Variants in DHX36 observed in about 807,000 individuals in gnomAD.
DHX36 encodes the protein ATP-dependent DNA/RNA helicase DHX36.
A neutral mutation model predicts 139.0 loss-of-function variants in DHX36; 50 were observed. The ratio of observed to expected loss-of-function variants is 0.36; its 90% confidence interval spans 0.29 to 0.46. The LOEUF (loss-of-function observed/expected upper bound fraction) is 0.46, where lower values mean the gene tolerates loss of function less well. DHX36 is among the 20% of genes least tolerant of loss of function. DHX36 has a pLI of 1.00. For synonymous variants in DHX36, 425 were observed against 401.9 expected, an observed-to-expected ratio of 1.06 and a Z score of -0.69; for missense variants, 1,024 against 1,211.3, an observed-to-expected ratio of 0.85 and a Z score of 2.29.
At position 154,324,379 on chromosome 3, in the gene DHX36, C is replaced by T; in HGVS notation, c.38G>A (p.Gly13Glu). 1 of 1,585,750 alleles carries T rather than the reference C, an allele frequency of 6.3e-7. No homozygotes were observed. Among genetic ancestry groups the T allele is most frequent in the East Asian group, 2.3e-5 (1 of 44,256 alleles). The change falls in exon 1 of 25, where the codon GGG (glycine) becomes GAG (glutamate). Residue 13 changes from glycine to glutamate, a missense_variant. By Grantham distance (98) the Gly-to-Glu change is moderately conservative (BLOSUM62 -2). This residue lies in a region of DHX36 where 293 missense variants were observed against 274.4 expected (regional missense o/e 1.07). Coordinates refer to ENST00000496811, the MANE Select transcript of DHX36 (RefSeq NM_020865.3). The part of the protein sequence containing the change: ...YDYHQNWGRD[G>E]GPRSSGGGYG... ...GCCCCCACCGGAGCTGCGGGGACCC[C>T]CATCACGGCCCCAGTTCTGATGGTA...
intron 5 of DHX36, among the ~76,000 whole-genome samples, chr3:154,309,438 C>T (rs940998176): frequency 1.3e-5 from 2 of 152,024 alleles, no homozygotes; most frequent in Non-Finnish European, 2.9e-5. Flanking sequence ...GCCTGGATAT[C>T]AATTTTATCT....
At chr3:154,300,002 A>T in intron 11 of DHX36, 77 bp from the exon 12 acceptor site, 1 of 928,114 alleles carries the variant, frequency 1.1e-6, no homozygotes, top group Admixed American at 2.0e-5. Flanking sequence ...GTGCACACTG[A>T]AGTCTCCATT....
intron 4 of DHX36, among the ~76,000 whole-genome samples, chr3:154,310,655 G>A (rs1003355772): frequency 2.9e-4 from 43 of 149,896 alleles, no homozygotes; most frequent in African/African-American, 1.0e-3. Context: ...GTGGGTGCCT[G>A]TAACCCCAGC....
intron 13 of DHX36, among the ~76,000 whole-genome samples, chr3:154,294,766 T>C (rs1559950718): frequency 6.6e-6 from 1 of 152,208 alleles, no homozygotes; most frequent in Non-Finnish European, 1.5e-5. Context: ...CTGCAAATAC[T>C]GTAGATCATA....
In DHX36 at chr3:154,286,647, T is replaced by A. The variant is rs1367403243; in HGVS notation, c.2032-1660A>T. 3.3e-5 allele frequency among the ~76,000 whole-genome samples: 5 copies of A among 151,968 alleles called. No individual in the cohort carries two copies. In the South Asian group the frequency reaches 8.3e-4, roughly 25 times the overall value. The stretch of plus-strand genomic sequence containing the variant: ...CTGAATACCCAAATAAACAGAGGAA[T>A]AGATGATGATCTTTTTGCTAAGACT... On this transcript the variant is annotated intron_variant, in intron 17 of 24. Coordinates refer to ENST00000496811, the MANE Select transcript of DHX36 (RefSeq NM_020865.3).
intron 20 of DHX36, among the ~76,000 whole-genome samples, chr3:154,282,974 C>T (rs1719376408): frequency 6.6e-6 from 1 of 152,178 alleles, no homozygotes; most frequent in Non-Finnish European, 1.5e-5. Flanking sequence ...TCGAACCCTA[C>T]TGTGCCTTGC....
At chr3:154,300,524 AT>A (rs1712224896) in intron 11 of DHX36, 69 bp downstream of exon 11, 1 of 1,246,988 alleles carries the variant, frequency 8.0e-7, no homozygotes, top group Non-Finnish European at 1.1e-6. Flanking sequence ...AGAAAACTGT[AT>A]TTTTCATGGC....
chr3:154,287,621 C>T (rs538328818), intron 17 of DHX36, among the ~76,000 whole-genome samples: 50 of 152,066 alleles, frequency 3.3e-4, no homozygotes, highest in African/African-American at 1.1e-3. Flanking sequence ...CATGCCACTG[C>T]ACTCCATCCA....
At chr3:154,297,025 GCATAAAGAGTCAC>G in intron 12 of DHX36, among the ~76,000 whole-genome samples, 1 of 152,300 alleles carries the variant, frequency 6.6e-6, no homozygotes, top group South Asian at 2.1e-4. Context: ...TGAAATGATA[GCATAAAGAGTCAC>G]ACAAATTCAG....
At chr3:154,320,791 TAATTC>T (rs1293060452) in intron 1 of DHX36, among the ~76,000 whole-genome samples, 1 of 152,202 alleles carries the variant, frequency 6.6e-6, no homozygotes, top group Non-Finnish European at 1.5e-5. Flanking sequence ...GCCAACGTGC[TAATTC>T]AAGCTGTCAT....
chr3:154,311,650 A>G lies in DHX36; in HGVS notation c.628T>C (p.Tyr210His), dbSNP rs755806882. 4 of 1,599,046 alleles carry G rather than the reference A, an allele frequency of 2.5e-6. No individual in the cohort carries two copies. The African/African-American group carries it at 5.4e-5, about 22-fold the overall frequency. Reference protein sequence around the residue: ...MQHFREKLPSYGMQKELVNLI... With the variant: ...MQHFREKLPSHGMQKELVNLI... ...AAGCACTTTACCTTTTGCATTCCAT[A>G]CGAAGGCAGCTTTTCTCTGAAATGC... The change falls in exon 4 of 25, where the codon TAT becomes CAT. Residue 210 changes from tyrosine to histidine, a missense_variant. Physicochemically the swap from Tyr to His is moderately conservative, Grantham distance 83. Transcript: ENST00000496811.
At chr3:154,312,609 G>A (rs964707266) in intron 3 of DHX36, among the ~76,000 whole-genome samples, 9 of 151,360 alleles carry the variant, frequency 5.9e-5, no homozygotes, top group African/African-American at 1.2e-4. Context: ...TTGGGAAGCC[G>A]AGGCAGGCAG....
chr3:154,322,031 G>A (rs1713207211), intron 1 of DHX36, among the ~76,000 whole-genome samples: 1 of 152,004 alleles, frequency 6.6e-6, no homozygotes, highest in Admixed American at 6.6e-5. Context: ...AGCTAAAGGT[G>A]GTCAAAGAAG....
rs1711919613 is a variant in DHX36 at position 154,293,794 on chromosome 3, G to A, written c.1624C>T (p.Pro542Ser). The change falls in exon 14 of 25, where the codon CCT becomes TCT. Residue 542 changes from proline to serine, a missense_variant. Physicochemically the swap from Pro to Ser is moderately conservative, Grantham distance 74. Coordinates refer to ENST00000496811, the MANE Select transcript of DHX36 (RefSeq NM_020865.3). The part of the protein sequence containing the change: ...NQTQVFKRTP[P>S]GVRKIVIATN... ...GCAATTACTATTTTCCGAACACCAGGAGGGGTTCTTTTAAACACCTGTAAA... is the reference window on the plus strand; with the variant it reads ...GCAATTACTATTTTCCGAACACCAGAAGGGGTTCTTTTAAACACCTGTAAA... 6.2e-7 allele frequency: 1 copy of A among 1,612,702 alleles called. No homozygotes were observed. Among genetic ancestry groups the A allele is most frequent in the African/African-American group, 1.3e-5 (1 of 74,904 alleles).
chr3:154,314,002 T>C (rs1400712130), intron 3 of DHX36, among the ~76,000 whole-genome samples: 2 of 152,174 alleles, frequency 1.3e-5, no homozygotes, highest in Non-Finnish European at 2.9e-5. Flanking sequence ...CCACCAACTT[T>C]TTAAATGTTT....
intron 9 of DHX36, among the ~76,000 whole-genome samples, chr3:154,302,326 C>T (rs1302647824): frequency 1.3e-5 from 2 of 152,276 alleles, no homozygotes; most frequent in Admixed American, 6.5e-5. Flanking sequence ...TACCCTGGTA[C>T]ATAACTGCCT....
chr3:154,295,748 A>G (rs1437174142), intron 12 of DHX36, among the ~76,000 whole-genome samples: 2 of 152,206 alleles, frequency 1.3e-5, no homozygotes, highest in African/African-American at 2.4e-5. Flanking sequence ...TCTGTTTAAC[A>G]TGAATACGTT....
rs1193548595 is a variant in DHX36 at position 154,315,296 on chromosome 3, A to G, written c.369-16T>C. On this transcript the variant is annotated splice_polypyrimidine_tract_variant and intron_variant, in intron 2 of 24. Coordinates refer to ENST00000496811, the MANE Select transcript of DHX36 (RefSeq NM_020865.3). ...AGTACCGTATCTGTTTTGACAAAAT[A>G]AGAAAGGAAGAAAGGTCAGATGAGC... 1.3e-6 allele frequency: 2 copies of G among 1,571,708 alleles called. No individual in the cohort carries two copies. Among genetic ancestry groups the G allele is most frequent in the Non-Finnish European group, 1.7e-6 (2 of 1,150,678 alleles).
At chr3:154,292,335 T>C (rs1017539071) in intron 15 of DHX36, among the ~76,000 whole-genome samples, 2 of 152,128 alleles carry the variant, frequency 1.3e-5, no homozygotes, top group Non-Finnish European at 2.9e-5. Context: ...AACTTAGAAA[T>C]TGAAGGCAAA....
Sources: gnomAD v4.1 joint callset for allele counts (sites outside exome capture counted in the v4.1 genomes callset) on GRCh38, gnomAD v4.1.1 for gene constraint, gnomAD v4.1.1 regional missense constraint, MANE v1.5 for transcripts, NCBI Gene and HGNC (gene_info 2026-07-23, HGNC 2026-07-21) for gene names.